Variants in EPHA6 observed in about 807,000 individuals in gnomAD.
EPHA6 encodes ephrin type-A receptor 6.
In EPHA6, 50 loss-of-function variants were observed where a neutral mutation model predicts 112.0. The ratio of observed to expected loss-of-function variants is 0.45; its 90% CI spans 0.36 to 0.56. EPHA6 has a LOEUF of 0.56. EPHA6 is among the 20% of genes least tolerant of loss of function. EPHA6 has a pLI of 0.00. For synonymous variants in EPHA6, 529 were observed against 490.7 expected (o/e 1.08, Z -1.03); for missense variants, 1,280 against 1,417.4 (o/e 0.90, Z 1.56).
chr3:97,265,530 A>G (rs9835286), intron 5 of EPHA6, among the ~76,000 whole-genome samples: 12,600 of 152,246 alleles, frequency 0.083, 1,721 homozygotes, highest in African/African-American at 0.28. Flanking sequence ...CTCTGAGATC[A>G]GAGCAAGGAC....
intron 3 of EPHA6, among the ~76,000 whole-genome samples, chr3:97,071,626 C>G (rs1467155765): frequency 1.3e-5 from 2 of 152,058 alleles, no homozygotes; most frequent in Admixed American, 1.3e-4. Context: ...CCCCATGATT[C>G]AATTACCTCT....
chr3:97,421,544 G>C (rs1404639157), intron 6 of EPHA6, among the ~76,000 whole-genome samples: 2 of 152,058 alleles, frequency 1.3e-5, no homozygotes, highest in Non-Finnish European at 2.9e-5. Flanking sequence ...ATCATAGAAA[G>C]ATCAATTTTA....
At chr3:97,547,030 G>A (rs2092960755) in intron 11 of EPHA6, among the ~76,000 whole-genome samples, 1 of 152,088 alleles carries the variant, frequency 6.6e-6, no homozygotes, top group Admixed American at 6.5e-5. Flanking sequence ...GTAGCTCGGA[G>A]TACTTTTATC....
At chr3:97,542,010 G>C (rs1005420998) in intron 11 of EPHA6, among the ~76,000 whole-genome samples, 3 of 151,854 alleles carry the variant, frequency 2.0e-5, no homozygotes, top group East Asian at 3.9e-4. Context: ...CTTGGAGTCC[G>C]ATGTTCGAGG....
chr3:97,710,997 G>T (rs1346758575), intron 14 of EPHA6, among the ~76,000 whole-genome samples: 2 of 152,188 alleles, frequency 1.3e-5, no homozygotes, highest in African/African-American at 2.4e-5. Context: ...GATAGAGATA[G>T]ATGGTGTATC....
At chr3:97,432,697 GA>G (rs1412004348) in intron 6 of EPHA6, among the ~76,000 whole-genome samples, 1 of 152,126 alleles carries the variant, frequency 6.6e-6, no homozygotes, top group African/African-American at 2.4e-5. Flanking sequence ...AAGGCCTCAG[GA>G]AACTTACAAT....
At chr3:97,188,150 T>A (rs2108471241) in intron 3 of EPHA6, among the ~76,000 whole-genome samples, 1 of 152,262 alleles carries the variant, frequency 6.6e-6, no homozygotes, top group South Asian at 2.1e-4. Context: ...GTATTCCTGA[T>A]GGCATGTGCA....
chr3:97,677,069 A>G (rs2031452821), intron 14 of EPHA6, among the ~76,000 whole-genome samples: 1 of 152,208 alleles, frequency 6.6e-6, no homozygotes, highest in Admixed American at 6.5e-5. Context: ...TGATTTTAAA[A>G]TTGATACTCA....
At chr3:97,191,373 AC>A (rs2077301420) in intron 3 of EPHA6, among the ~76,000 whole-genome samples, 2 of 151,962 alleles carry the variant, frequency 1.3e-5, no homozygotes, top group Admixed American at 1.3e-4. Context: ...ATTATTATTG[AC>A]CATAATGACC....
chr3:97,116,159 C>A (rs948430313), intron 3 of EPHA6, among the ~76,000 whole-genome samples: 5 of 151,658 alleles, frequency 3.3e-5, no homozygotes, highest in African/African-American at 1.2e-4. Flanking sequence ...ACTGGCTAAT[C>A]CTAAATATTT....
intron 2 of EPHA6, among the ~76,000 whole-genome samples, chr3:96,878,318 GA>G (rs1443225665): frequency 1.3e-5 from 2 of 151,874 alleles, no homozygotes; most frequent in African/African-American, 4.8e-5. Flanking sequence ...AATAGAGAGA[GA>G]GAGGGGGAGA....
At chr3:97,408,724 G>A (rs1188491993) in intron 6 of EPHA6, among the ~76,000 whole-genome samples, 1 of 151,798 alleles carries the variant, frequency 6.6e-6, no homozygotes, top group Non-Finnish European at 1.5e-5. Context: ...TCTTTCATAA[G>A]GGCAATAATT....
At chr3:97,093,296 C>A (rs531878034) in intron 3 of EPHA6, among the ~76,000 whole-genome samples, 1 of 152,126 alleles carries the variant, frequency 6.6e-6, no homozygotes, top group African/African-American at 2.4e-5. Context: ...CTCCTGTAAT[C>A]CCAGCATCTT....
At chr3:97,589,978 ATT>A (rs1344922203) in intron 11 of EPHA6, among the ~76,000 whole-genome samples, 1 of 152,200 alleles carries the variant, frequency 6.6e-6, no homozygotes, top group East Asian at 1.9e-4. Flanking sequence ...ACTAAAACTA[ATT>A]TATATCAAAC....
chr3:97,070,458 C>T (rs1478605146), intron 3 of EPHA6, among the ~76,000 whole-genome samples: 1 of 152,100 alleles, frequency 6.6e-6, no homozygotes, highest in Non-Finnish European at 1.5e-5. Flanking sequence ...CTACTAATAG[C>T]ACTCACATTC....
At position 96,987,728 on chromosome 3, in the gene EPHA6, A is replaced by G. The variant is rs1210538638; in HGVS notation, c.849A>G (p.Gln283=). Residue 283 remains glutamine (Q), a synonymous_variant, in exon 3 of 18, where the codon CAA becomes CAG. Transcript: ENST00000389672. The part of the protein sequence containing the change: ...IERKGFYLAF[Q]DIGACIALVS... ...GGAAAGGATTTTATCTGGCTTTTCA[A>G]GACATTGGGGCGTGCATTGCCCTGG... The G allele has an allele frequency of 1.2e-6, 2 of 1,610,186 alleles. No individual in the cohort carries two copies. The highest frequency in any genetic ancestry group is 2.2e-5 in the South Asian group (2 of 90,842).
intron 5 of EPHA6, among the ~76,000 whole-genome samples, chr3:97,364,844 G>A (rs536389402): frequency 1.3e-5 from 2 of 152,208 alleles, no homozygotes; most frequent in Non-Finnish European, 2.9e-5. Flanking sequence ...GATTAGTGAA[G>A]CACAAATTGA....
chr3:97,557,851 C>T (rs1314310121), intron 11 of EPHA6, among the ~76,000 whole-genome samples: 1 of 151,414 alleles, frequency 6.6e-6, no homozygotes, highest in Non-Finnish European at 1.5e-5. Context: ...AGGATGTTTT[C>T]CTTTTTCTTT....
intron 10 of EPHA6, among the ~76,000 whole-genome samples, chr3:97,491,583 A>G (rs538240309): frequency 6.7e-6 from 1 of 149,358 alleles, no homozygotes; most frequent in East Asian, 2.0e-4. Context: ...TGTTTCTTTC[A>G]TAAAGGGAGT....
Sources: gnomAD v4.1 joint callset for allele counts (sites outside exome capture counted in the v4.1 genomes callset) on GRCh38, gnomAD v4.1.1 for gene constraint, MANE v1.5 for transcripts, NCBI Gene and HGNC (gene_info 2026-07-23, HGNC 2026-07-21) for gene names.